The following SIN3A variants were observed in gnomAD, a reference collection of about 807,000 sequenced individuals.
SIN3A encodes the protein paired amphipathic helix protein Sin3a.
SIN3A carries 14 observed loss-of-function variants against 146.1 expected under a neutral mutation model. The ratio of observed to expected loss-of-function variants is 0.10; its 90% confidence interval spans 0.06 to 0.15. SIN3A has a LOEUF of 0.15. Ranked by LOEUF, SIN3A falls within the 10% of genes least tolerant of loss-of-function variation. The pLI is 1.00. For missense variants in SIN3A, 1,028 were observed against 1,576.0 expected, an observed-to-expected ratio of 0.65 and a Z score of 5.89; for synonymous variants, 572 against 572.0, an observed-to-expected ratio of 1.00 and a Z score of 0.00.
In SIN3A at chr15:75,430,644, T is replaced by C. The variant is rs1054745009; in HGVS notation, c.-33-236A>G. Among the ~76,000 whole-genome samples the C allele has an allele frequency of 3.3e-5, 5 of 152,248 alleles. No individual in the cohort carries two copies. The East Asian group carries it at 7.7e-4, about 23-fold the overall frequency. ...CATAATTTTAATTAATTTGGTATTA[T>C]GAAGTTGAAAAATACGCTCCAATTT... is the stretch of plus-strand genomic sequence containing the variant. On this transcript the variant is annotated intron_variant, in intron 1 of 20. Transcript: ENST00000394947.
intron 6 of SIN3A, 97 bp downstream of exon 6, chr15:75,411,395 A>AACTG (rs2073636073): frequency 1.6e-6 from 2 of 1,246,400 alleles, no homozygotes; most frequent in Non-Finnish European, 2.2e-6. Flanking sequence ...GTTAATTTCC[A>AACTG]GTATGAATTA....
At chr15:75,410,338 T>G in intron 6 of SIN3A, 52 bp from the exon 7 acceptor site, 1 of 1,562,536 alleles carries the variant, frequency 6.4e-7, no homozygotes, top group Non-Finnish European at 8.8e-7. Context: ...TTTGAGTCAC[T>G]CATCTTTGCA....
chr15:75,414,842 A>C (rs2073704165), intron 3 of SIN3A, among the ~76,000 whole-genome samples: 1 of 152,224 alleles, frequency 6.6e-6, no homozygotes, highest in Admixed American at 6.5e-5. Flanking sequence ...TAAGCTAGCA[A>C]AAGTGAAGAC....
intron 1 of SIN3A, among the ~76,000 whole-genome samples, chr15:75,450,970 T>C (rs891642181): frequency 1.8e-4 from 28 of 151,812 alleles, no homozygotes; most frequent in African/African-American, 6.3e-4. Context: ...GAACTCAGAC[T>C]TCACGCCCCC....
At chr15:75,384,093 G>T in intron 17 of SIN3A, 171 bp downstream of exon 17, 3 of 424,908 alleles carry the variant, frequency 7.1e-6, no homozygotes, top group African/African-American at 2.0e-5. Context: ...AAACAAAGTA[G>T]ATTGTCCAGG....
chr15:75,451,159 A>C (rs1304554525), intron 1 of SIN3A, among the ~76,000 whole-genome samples: 1 of 145,012 alleles, frequency 6.9e-6, no homozygotes, highest in African/African-American at 2.6e-5. Flanking sequence ...CCACAATCGC[A>C]CGCGCGCGCC....
intron 19 of SIN3A, among the ~76,000 whole-genome samples, chr15:75,377,398 G>A (rs1048282358): frequency 6.6e-6 from 1 of 152,138 alleles, no homozygotes; most frequent in Non-Finnish European, 1.5e-5. Flanking sequence ...GCTGAGGCAG[G>A]CAGATCACTT....
At chr15:75,434,415 C>T (rs572094873) in intron 1 of SIN3A, among the ~76,000 whole-genome samples, 53 of 151,758 alleles carry the variant, frequency 3.5e-4, no homozygotes, top group Non-Finnish European at 1.8e-4. Flanking sequence ...TTTGGGAGGC[C>T]GAGGCAGGCG....
At chr15:75,428,438 C>T (rs1012367640) in intron 2 of SIN3A, among the ~76,000 whole-genome samples, 2 of 152,120 alleles carry the variant, frequency 1.3e-5, no homozygotes, top group Non-Finnish European at 2.9e-5. Context: ...CTCAGTCTCC[C>T]GGGTAGCTAG....
At chr15:75,392,861 G>A (rs752850331) in intron 14 of SIN3A, 46 bp from the exon 15 acceptor site, 15 of 1,356,672 alleles carry the variant, frequency 1.1e-5, no homozygotes, top group Admixed American at 5.7e-5. Context: ...TGTCTACAGC[G>A]ACAACATGTC....
At position 75,411,753 on chromosome 15, in the gene SIN3A, AAAG is replaced by A; in HGVS notation, c.757-13_757-11del. On this transcript the variant is annotated splice_polypyrimidine_tract_variant and intron_variant, in intron 5 of 20. Coordinates refer to ENST00000394947, the MANE Select transcript of SIN3A (RefSeq NM_001145358.2). The stretch of plus-strand genomic sequence containing the variant: ...CTTGCAGTTGGGAGGGCTAGAAAGA[AAAG>A]AAATCTTTATTCTCTTCAGATGCAT... 7 of 1,571,180 alleles carry A rather than the reference AAAG, an allele frequency of 4.5e-6. No individual in the cohort carries two copies. The highest frequency in any genetic ancestry group is 6.0e-6 in the Non-Finnish European group (7 of 1,159,206).
chr15:75,451,905 C>T (rs2074418344), upstream of SIN3A, among the ~76,000 whole-genome samples: 1 of 151,952 alleles, frequency 6.6e-6, no homozygotes, highest in South Asian at 2.1e-4. Context: ...CCTAACTCAA[C>T]CCCGCCTATT....
intron 1 of SIN3A, among the ~76,000 whole-genome samples, chr15:75,437,227 C>G (rs2074123598): frequency 6.6e-6 from 1 of 151,326 alleles, no homozygotes; most frequent in Non-Finnish European, 1.5e-5. Flanking sequence ...GGCTGGAGTG[C>G]AGCAGGGCTA....
chr15:75,432,817 T>C lies in SIN3A; in HGVS notation c.-33-2409A>G, dbSNP rs1312047124. Among the ~76,000 whole-genome samples, 5 of 150,666 alleles carry C rather than the reference T, an allele frequency of 3.3e-5. No individual in the cohort carries two copies. In the East Asian group the frequency reaches 7.9e-4, roughly 24 times the overall value. ...CAGCACTTTGGAAGGCCGAGGTGGG[T>C]GGATCACCTGAAGTCAGGAGTTCGA... On this transcript the variant is annotated intron_variant, in intron 1 of 20. Coordinates refer to ENST00000394947, the MANE Select transcript of SIN3A (RefSeq NM_001145358.2).
chr15:75,442,201 T>C (rs1259064775), intron 1 of SIN3A, among the ~76,000 whole-genome samples: 1 of 150,656 alleles, frequency 6.6e-6, no homozygotes, highest in Non-Finnish European at 1.5e-5. Context: ...TAACCATCTT[T>C]ATACATATAC....
chr15:75,427,651 G>T (rs1266261544), intron 2 of SIN3A, among the ~76,000 whole-genome samples: 1 of 148,328 alleles, frequency 6.7e-6, no homozygotes, highest in Non-Finnish European at 1.5e-5. Flanking sequence ...CAGACAGAGA[G>T]TCTGTCTCAA....
intron 2 of SIN3A, among the ~76,000 whole-genome samples, chr15:75,427,348 G>C (rs1207818171): frequency 6.7e-6 from 1 of 150,258 alleles, no homozygotes; most frequent in Non-Finnish European, 1.5e-5. Context: ...ACTCCAGCTG[G>C]GGCGACAGAG....
At chr15:75,382,465 A>C (rs574400006) in intron 17 of SIN3A, among the ~76,000 whole-genome samples, 1 of 152,318 alleles carries the variant, frequency 6.6e-6, no homozygotes, top group South Asian at 2.1e-4. Context: ...CAGTCCCCAT[A>C]GTGGGTTGGA....
At chr15:75,439,812 A>C (rs889882780) in intron 1 of SIN3A, among the ~76,000 whole-genome samples, 2 of 152,074 alleles carry the variant, frequency 1.3e-5, no homozygotes, top group Non-Finnish European at 2.9e-5. Flanking sequence ...CTGACTCAAA[A>C]TTTTAGAGCT....
Sources: allele counts gnomAD v4.1 joint callset (sites outside exome capture counted in the v4.1 genomes callset), GRCh38; gene constraint gnomAD v4.1.1; transcripts MANE v1.5; gene names NCBI Gene and HGNC (gene_info 2026-07-23, HGNC 2026-07-21).